HMX1: variants seen among roughly 807,000 people sequenced by gnomAD.
HMX1 encodes the protein H6 family homeobox 1.
In HMX1, 8 loss-of-function variants were observed where a neutral mutation model predicts 8.9. That is an observed-to-expected ratio of 0.90 (90% CI 0.53 to 1.63). The LOEUF (loss-of-function observed/expected upper bound fraction) is 1.63, where lower values mean the gene tolerates loss of function less well. Among genes scored for constraint, HMX1 ranks in the 40% most tolerant of loss-of-function variants. The pLI, the probability that HMX1 is intolerant of heterozygous loss-of-function variation, is 0.00. For missense variants in HMX1, 621 were observed against 558.5 expected, an observed-to-expected ratio of 1.11 and a Z score of -1.13; for synonymous variants, 311 against 283.4, an observed-to-expected ratio of 1.10 and a Z score of -0.98.
At position 8,849,482 on chromosome 4, in the gene HMX1, C is replaced by T. The variant is rs1721377418; in HGVS notation, c.395-3158G>A. Among the ~76,000 whole-genome samples, 1 of 152,064 alleles carries T rather than the reference C, an allele frequency of 6.6e-6. No homozygotes were observed. Among genetic ancestry groups the T allele is most frequent in the Admixed American group, 6.5e-5 (1 of 15,280 alleles). On this transcript the variant is annotated intron_variant, in intron 1 of 1. Coordinates refer to the HMX1 transcript ENST00000506970. This position sits in a 1 kb window ranked among gnomAD's most constrained non-coding sequence, Gnocchi z 6.6. ...GCTGGAGGGGGCAGGAAGGGCTCTC[C>T]TCTAGAGCCTCTGGAGGGGCACAGC...
intron 1 of HMX1, chr4:8,846,430 C>A (rs1287588149): frequency 1.8e-5 from 15 of 845,058 alleles, no homozygotes; most frequent in Admixed American, 2.7e-5. Context: ...AAACCCAAAC[C>A]TGGCTCACAG....
At chr4:8,850,828 C>T (rs529037031) in intron 1 of HMX1, among the ~76,000 whole-genome samples, 5 of 152,254 alleles carry the variant, frequency 3.3e-5, no homozygotes, top group Non-Finnish European at 5.9e-5. Flanking sequence ...TGGACCCAGG[C>T]TCCTGAGAGG....
In HMX1 at chr4:8,871,478, T is replaced by C; in HGVS notation, c.137A>G (p.Glu46Gly). The change falls in exon 1 of 2, where the codon GAG becomes GGG. Residue 46 changes from glutamate (E) to glycine (G), a missense_variant. Transcript: ENST00000400677. This position sits in a 1 kb window ranked among gnomAD's most constrained non-coding sequence, Gnocchi z 4.8. ...TQGDGSREDE[E>G]EDDDDPEDED... Reference sequence around the variant, plus strand: ...GTCTTCGGGGTCGTCGTCGTCCTCCTCCTCGTCCTCCCGGCTGCCGTCGCC... The same window carrying C: ...GTCTTCGGGGTCGTCGTCGTCCTCCCCCTCGTCCTCCCGGCTGCCGTCGCC... 7.5e-7 allele frequency: 1 copy of C among 1,339,484 alleles called. No individual in the cohort carries two copies. 83.0% of individuals were successfully genotyped at this position (1,339,484 alleles called of 1,614,324 possible).
At chr4:8,863,917 C>T (rs960681719), downstream of HMX1, among the ~76,000 whole-genome samples, 1 of 152,362 alleles carries the variant, frequency 6.6e-6, no homozygotes. Context: ...AGCACATCCT[C>T]CACGCCCAAA....
rs543167491 is a variant in HMX1, at chr4:8,869,722, C to T, written c.395-1377G>A. The stretch of plus-strand genomic sequence containing the variant: ...GGAGTCCCTGCCTCCCCCCAATACC[C>T]CAAACTCACAGAGGCCCATGTGCTG... On this transcript the variant is annotated intron_variant, in intron 1 of 1. Transcript: ENST00000400677. 2.0e-5 allele frequency among the ~76,000 whole-genome samples: 3 copies of T among 149,098 alleles called. No homozygotes were observed. The South Asian group carries it at 6.4e-4, about 32-fold the overall frequency.
chr4:8,871,401 G>C lies in HMX1; in HGVS notation c.214C>G (p.Leu72Val). Reference protein sequence around the residue: ...RRRLQRRRQLLAGTGPGGEAR... With the variant: ...RRRLQRRRQLVAGTGPGGEAR... ...TCCCCGCCGGGCCCGGTGCCCGCGA[G>C]CAACTGTCGCCGCCGCTGTAGCCGT... The change falls in exon 1 of 2, where the codon CTC becomes GTC. Residue 72 changes from leucine (L) to valine (V), a missense_variant. Physicochemically the swap from Leu to Val is conservative, Grantham distance 32. Coordinates refer to ENST00000400677, the MANE Select transcript of HMX1 (RefSeq NM_018942.3). The surrounding 1 kb of genome is among the most constrained non-coding windows in gnomAD (Gnocchi z 4.8). 3 of 1,262,206 alleles carry C rather than the reference G, an allele frequency of 2.4e-6. No homozygotes were observed. The highest frequency in any genetic ancestry group is 3.0e-6 in the Non-Finnish European group (3 of 998,974). The allele number at this position is 1,262,206 out of a possible 1,614,324, so 78.2% of individuals were successfully genotyped here. A position where few individuals can be genotyped will look rare whatever the true frequency, so the allele number is the denominator to read the frequency against.
rs146217236 is a variant in HMX1, at chr4:8,847,574, G to A, written c.395-1250C>T. 1.1e-4 allele frequency among the ~76,000 whole-genome samples: 17 copies of A among 152,310 alleles called. No individual in the cohort carries two copies. In the East Asian group the frequency reaches 2.1e-3, roughly 19 times the overall value. ...GGAACATCGGCCAGACACTGGACAC[G>A]TGCAAACCACCCCCTTCTGTCCCCA... On this transcript the variant is annotated intron_variant, in intron 1 of 1. Transcript: ENST00000506970. The surrounding 1 kb of genome is among the most constrained non-coding windows in gnomAD (Gnocchi z 6.0).
At chr4:8,855,317 A>T (rs1040295460) in intron 1 of HMX1, among the ~76,000 whole-genome samples, 18 of 152,256 alleles carry the variant, frequency 1.2e-4, no homozygotes, top group African/African-American at 4.3e-4. Context: ...TTTATCAGTG[A>T]TGATGCCTAC....
rs1722035430 is a variant in HMX1 at position 8,867,390 on chromosome 4, G to A, written c.*303C>T. ...CTGCCCCGGGTGGCCATGGCCGACC[G>A]CTCCTCGCTGAGGCCGGGGGGTGGC... On this transcript the variant is annotated 3_prime_UTR_variant, in exon 2 of 2. Transcript: ENST00000400677. The A allele has an allele frequency of 1.5e-5, 16 of 1,055,560 alleles. No individual in the cohort carries two copies. Among genetic ancestry groups the A allele is most frequent in the Non-Finnish European group, 1.8e-5 (16 of 877,324 alleles). The allele number at this position is 1,055,560 out of a possible 1,614,324, so 65.4% of individuals were successfully genotyped here.
In HMX1 at chr4:8,849,498, G is replaced by A. The variant is rs1352331103; in HGVS notation, c.395-3174C>T. Reference sequence around the variant, plus strand: ...AGGGCTCTCCTCTAGAGCCTCTGGAGGGGCACAGCCCGACCGACGCCTGGG... The same window carrying A: ...AGGGCTCTCCTCTAGAGCCTCTGGAAGGGCACAGCCCGACCGACGCCTGGG... On this transcript the variant is annotated intron_variant, in intron 1 of 1. Transcript: ENST00000506970. The surrounding 1 kb of genome is among the most constrained non-coding windows in gnomAD (Gnocchi z 6.6). 6.6e-6 allele frequency among the ~76,000 whole-genome samples: 1 copy of A among 152,102 alleles called. No individual in the cohort carries two copies. The highest frequency in any genetic ancestry group is 1.5e-5 in the Non-Finnish European group (1 of 68,040).
intron 1 of HMX1, among the ~76,000 whole-genome samples, chr4:8,850,166 A>C (rs888938803): frequency 2.6e-5 from 4 of 152,082 alleles, no homozygotes; most frequent in Non-Finnish European, 5.9e-5. Context: ...CCCAGGTTGC[A>C]GACCGCTGGG....
intron 1 of HMX1, among the ~76,000 whole-genome samples, chr4:8,846,946 G>C (rs1721294767): frequency 6.6e-6 from 1 of 152,188 alleles, no homozygotes; most frequent in Non-Finnish European, 1.5e-5. Flanking sequence ...AGTGGCCACT[G>C]TCAGGCACCC....
Position 8,871,243 on chromosome 4 carries a change from A to T in HMX1, c.372T>A (p.Tyr124Ter). 1 of 1,485,830 alleles carries T rather than the reference A, an allele frequency of 6.7e-7. No homozygotes were observed. The highest frequency in any genetic ancestry group is 8.9e-7 in the Non-Finnish European group (1 of 1,124,644). 92.0% of individuals were successfully genotyped at this position (1,485,830 alleles called of 1,614,324 possible). The change falls in exon 1 of 2, where the codon TAT (tyrosine) becomes TAA (stop). Residue 124 changes from tyrosine to a stop codon, truncating the protein, a stop_gained. Coordinates refer to ENST00000400677, the MANE Select transcript of HMX1 (RefSeq NM_018942.3). LOFTEE classifies it low-confidence loss of function (END_TRUNC). This position sits in a 1 kb window ranked among gnomAD's most constrained non-coding sequence, Gnocchi z 4.8. ...CACTGTCAGGACTGAGGCCGCCTCC[A>T]TAGCCACCGTGCGCCCGTGGGTACC... Reference protein sequence around the residue: ...ARWYPRAHGGYGGGLSPDTSD... With the variant: ...ARWYPRAHGG
chr4:8,868,277 G>C lies in HMX1; in HGVS notation c.463C>G (p.Pro155Ala). ...GRAEGAWPRG[P>A]GPGAVQREAA... ...TCCCGCTGCACCGCTCCCGGCCCGG[G>C]GCCTCGCGGCCAGGCGCCCTCCGCA... Residue 155 changes from proline to alanine, a missense_variant, in exon 2 of 2, where the codon CCC becomes GCC. Coordinates refer to ENST00000400677, the MANE Select transcript of HMX1 (RefSeq NM_018942.3). The surrounding 1 kb of genome is among the most constrained non-coding windows in gnomAD (Gnocchi z 4.6). 1 of 1,439,640 alleles carries C rather than the reference G, an allele frequency of 6.9e-7. No individual in the cohort carries two copies. Among genetic ancestry groups the C allele is most frequent in the Admixed American group, 2.7e-5 (1 of 37,700 alleles). 89.2% of individuals were successfully genotyped at this position (1,439,640 alleles called of 1,614,324 possible).
chr4:8,866,249 T>C (rs1355734704), downstream of HMX1, among the ~76,000 whole-genome samples: 1 of 152,202 alleles, frequency 6.6e-6, no homozygotes, highest in East Asian at 1.9e-4. Flanking sequence ...GCTACCTTGA[T>C]TGCCCCAAGA....
chr4:8,849,415 A>G lies in HMX1; in HGVS notation c.395-3091T>C, dbSNP rs1376841593. On this transcript the variant is annotated intron_variant, in intron 1 of 1. Coordinates refer to the HMX1 transcript ENST00000506970. This position sits in a 1 kb window ranked among gnomAD's most constrained non-coding sequence, Gnocchi z 6.6. ...AGGAGAAGGCGGGCACTCAGCTGGC[A>G]CCACGTGGCCTTGAGCCACAGATTG... 6.6e-6 allele frequency among the ~76,000 whole-genome samples: 1 copy of G among 151,850 alleles called. No homozygotes were observed. Among genetic ancestry groups the G allele is most frequent in the Non-Finnish European group, 1.5e-5 (1 of 67,988 alleles).
chr4:8,847,530 G>A lies in HMX1; in HGVS notation c.395-1206C>T, dbSNP rs1005576110. On this transcript the variant is annotated intron_variant, in intron 1 of 1. Transcript: ENST00000506970. This position sits in a 1 kb window ranked among gnomAD's most constrained non-coding sequence, Gnocchi z 6.0. ...CTGGGCCGGGCACAACTCCTGTCCC[G>A]AGAGCAGGCGGACCTGAAGGAACAT... Among the ~76,000 whole-genome samples the A allele has an allele frequency of 1.3e-5, 2 of 152,204 alleles. No individual in the cohort carries two copies. Among genetic ancestry groups the A allele is most frequent in the South Asian group, 2.1e-4 (1 of 4,830 alleles).
intron 1 of HMX1, among the ~76,000 whole-genome samples, chr4:8,869,870 C>A (rs1422554409): frequency 6.6e-6 from 1 of 152,170 alleles, no homozygotes; most frequent in Non-Finnish European, 1.5e-5. Context: ...GGGGATGCAC[C>A]CCAGGGATGA....
At chr4:8,846,179 C>A in exon 2 of HMX1, 1 of 1,277,254 alleles carries the variant, frequency 7.8e-7, no homozygotes, top group Non-Finnish European at 1.1e-6. Flanking sequence ...AAGGCTCCAC[C>A]GTGTTGTGGC....
Sources: gnomAD v4.1 joint callset for allele counts (sites outside exome capture counted in the v4.1 genomes callset) on GRCh38, gnomAD v4.1.1 for gene constraint, Gnocchi (gnomAD v3.1) non-coding constraint, MANE v1.5 for transcripts, NCBI Gene and HGNC (gene_info 2026-07-23, HGNC 2026-07-21) for gene names.